Variants in ITGAM observed in about 807,000 individuals in gnomAD.
ITGAM encodes the protein integrin subunit alpha M, also known as integrin alpha-M.
A neutral mutation model predicts 137.5 loss-of-function variants in ITGAM; 79 were observed. The ratio of observed to expected loss-of-function variants is 0.57; its 90% CI spans 0.48 to 0.69. The LOEUF is 0.69. Among genes scored for constraint, ITGAM ranks in the 30% least tolerant of loss-of-function variants. The pLI is 0.00. For synonymous variants in ITGAM, 583 were observed against 592.3 expected, an observed-to-expected ratio of 0.98 and a Z score of 0.23; for missense variants, 1,343 against 1,483.5, an observed-to-expected ratio of 0.91 and a Z score of 1.56.
intron 23 of ITGAM, among the ~76,000 whole-genome samples, chr16:31,328,698 G>C (rs1187783529): frequency 2.0e-5 from 3 of 151,042 alleles, no homozygotes; most frequent in Non-Finnish European, 4.4e-5. Flanking sequence ...ATTTGTGCAT[G>C]TGTGTGTATG....
chr16:31,283,601 A>T (rs1293833828), intron 12 of ITGAM, among the ~76,000 whole-genome samples: 1 of 152,138 alleles, frequency 6.6e-6, no homozygotes, highest in Admixed American at 6.5e-5. Context: ...TATGCTGTTT[A>T]TTCTAGTTAG....
chr16:31,331,911 GCATGTGCA>G lies in ITGAM; in HGVS notation c.*206_*213del, dbSNP rs1488224405. On this transcript the variant is annotated 3_prime_UTR_variant, in exon 30 of 30. Transcript: ENST00000544665. Reference sequence around the variant, plus strand: ...TGTGTGCACATGTGTGCGTGTGCGTGCATGTGCACTTGCACGCCCATGTGTGAGTGTGT... The same window carrying G: ...TGTGTGCACATGTGTGCGTGTGCGTGCTTGCACGCCCATGTGTGAGTGTGT... 15 of 568,342 alleles carry G rather than the reference GCATGTGCA, an allele frequency of 2.6e-5. No individual in the cohort carries two copies. Among genetic ancestry groups the G allele is most frequent in the South Asian group, 2.1e-4 (10 of 46,632 alleles). 35.2% of individuals were successfully genotyped at this position (568,342 alleles called of 1,614,324 possible).
In ITGAM at chr16:31,277,061, G is replaced by T; in HGVS notation, c.1213+12G>T. ...TGATGCTTACTTGGGTAAGTGGGGA[G>T]GGCAAGGGTTACTCTAAGAAGGGGT... On this transcript the variant is annotated intron_variant, in intron 11 of 29. Transcript: ENST00000544665. 3 of 1,604,068 alleles carry T rather than the reference G, an allele frequency of 1.9e-6. No individual in the cohort carries two copies. Among genetic ancestry groups the T allele is most frequent in the South Asian group, 1.1e-5 (1 of 89,388 alleles).
At chr16:31,326,755 T>C in intron 21 of ITGAM, 101 bp from the exon 22 acceptor site, 1 of 822,408 alleles carries the variant, frequency 1.2e-6, no homozygotes, top group East Asian at 2.4e-5. Flanking sequence ...TCCTGTTGCA[T>C]GGATGGGCCA....
intron 5 of ITGAM, among the ~76,000 whole-genome samples, chr16:31,270,699 G>GTGTGTGTATATATA (rs1477833816): frequency 3.8e-5 from 1 of 25,996 alleles, no homozygotes; most frequent in African/African-American, 1.1e-4. Context: ...GTGTGTGTGT[G>GTGTGTGTATATATA]TATATATATA....
chr16:31,289,539 A>G (rs1398012983), intron 12 of ITGAM, among the ~76,000 whole-genome samples: 2 of 152,158 alleles, frequency 1.3e-5, no homozygotes, highest in Admixed American at 6.6e-5. Flanking sequence ...TCTCACTCAT[A>G]GGTGGGAATT....
rs1218763979 is a variant in ITGAM at position 31,260,018 on chromosome 16, C to G, written c.-47C>G. ...CTTCCTTGTGGTTCCTCAGTGGTGC[C>G]TGCAACCCCTGGTTCACCTCCTTCC... is the stretch of plus-strand genomic sequence containing the variant. On this transcript the variant is annotated 5_prime_UTR_variant, in exon 1 of 30. Transcript: ENST00000544665. 2 of 1,553,580 alleles carry G rather than the reference C, an allele frequency of 1.3e-6. No individual in the cohort carries two copies. The highest frequency in any genetic ancestry group is 1.7e-6 in the Non-Finnish European group (2 of 1,143,250).
At chr16:31,319,387 G>A (rs930339321) in intron 14 of ITGAM, among the ~76,000 whole-genome samples, 1 of 151,832 alleles carries the variant, frequency 6.6e-6, no homozygotes, top group African/African-American at 2.4e-5. Flanking sequence ...ATAATTAATT[G>A]TTGTAACTCC....
Position 31,273,506 on chromosome 16 carries a change from C to T in ITGAM, c.846C>T (p.Arg282=), listed in dbSNP as rs181137573. Reference sequence around the variant, plus strand: ...AGGCAGACAGAGAGGGAGTCATTCGCTACGTCATTGGGGTAGGGAATGCAG... The same window carrying T: ...AGGCAGACAGAGAGGGAGTCATTCGTTACGTCATTGGGGTAGGGAATGCAG... ...IPEADREGVI[R]YVIGVGDAFR... The change falls in exon 8 of 30, where the codon CGC becomes CGT. Residue 282 remains arginine, a synonymous_variant. Coordinates refer to ENST00000544665, the MANE Select transcript of ITGAM (RefSeq NM_000632.4). 6.2e-7 allele frequency: 1 copy of T among 1,613,630 alleles called. No homozygotes were observed. The highest frequency in any genetic ancestry group is 2.2e-5 in the East Asian group (1 of 44,884).
chr16:31,273,692 A>T, intron 8 of ITGAM, 174 bp downstream of exon 8: 1 of 584,008 alleles, frequency 1.7e-6, no homozygotes, highest in Non-Finnish European at 2.9e-6. Context: ...AAACTATCCC[A>T]AAATTCAGCA....
At chr16:31,262,833 G>T (rs906546775) in intron 2 of ITGAM, among the ~76,000 whole-genome samples, 2 of 152,222 alleles carry the variant, frequency 1.3e-5, no homozygotes, top group African/African-American at 4.8e-5. Flanking sequence ...TCCAGAAGAA[G>T]GGGGCTGGTC....
In ITGAM at chr16:31,324,854, T is replaced by C; in HGVS notation, c.2289+72T>C. On this transcript the variant is annotated intron_variant, in intron 18 of 29. Coordinates refer to ENST00000544665, the MANE Select transcript of ITGAM (RefSeq NM_000632.4). The surrounding 1 kb of genome is among the most constrained non-coding windows in gnomAD (Gnocchi z 4.5). ...ACCAAGGTGGTTGAAACTCATTTTATTTGATTGCATCTAATTTTACTTCAA... is the reference window on the plus strand; with the variant it reads ...ACCAAGGTGGTTGAAACTCATTTTACTTGATTGCATCTAATTTTACTTCAA... The C allele has an allele frequency of 1.4e-5, 21 of 1,554,176 alleles. No individual in the cohort carries two copies. Among genetic ancestry groups the C allele is most frequent in the Non-Finnish European group, 1.7e-5 (19 of 1,148,948 alleles).
chr16:31,284,862 C>T (rs1048792838), intron 12 of ITGAM, among the ~76,000 whole-genome samples: 8 of 151,938 alleles, frequency 5.3e-5, no homozygotes, highest in South Asian at 2.1e-4. Flanking sequence ...ACCTCCTCTG[C>T]CTATAGTTCT....
At chr16:31,300,404 T>C (rs1158388575) in intron 14 of ITGAM, among the ~76,000 whole-genome samples, 1 of 152,240 alleles carries the variant, frequency 6.6e-6, no homozygotes, top group East Asian at 1.9e-4. Flanking sequence ...GCCAACAGTG[T>C]GCAAAGGTTC....
At chr16:31,299,954 G>T (rs1355733107) in intron 14 of ITGAM, among the ~76,000 whole-genome samples, 4 of 151,892 alleles carry the variant, frequency 2.6e-5, no homozygotes, top group Non-Finnish European at 5.9e-5. Context: ...AACCTCCTGG[G>T]CTCAAGCGAC....
In ITGAM at chr16:31,329,855, C is replaced by G; in HGVS notation, c.2926C>G (p.Arg976Gly). ...CAGCCTGGTGTTCTTGGTGCCCGTCCGGCTGAACCAGACTGTCATATGGGA... is the reference window on the plus strand; with the variant it reads ...CAGCCTGGTGTTCTTGGTGCCCGTCGGGCTGAACCAGACTGTCATATGGGA... Reference protein sequence around the residue: ...PISLVFLVPVRLNQTVIWDRP... With the variant: ...PISLVFLVPVGLNQTVIWDRP... The change falls in exon 25 of 30, where the codon CGG becomes GGG. Residue 976 changes from arginine to glycine, a missense_variant. Arg to Gly is a moderately radical substitution (Grantham distance 125). Transcript: ENST00000544665. The G allele has an allele frequency of 6.4e-7, 1 of 1,564,918 alleles. No homozygotes were observed. Among genetic ancestry groups the G allele is most frequent in the Non-Finnish European group, 8.7e-7 (1 of 1,154,726 alleles).
intron 5 of ITGAM, among the ~76,000 whole-genome samples, chr16:31,267,797 T>C (rs1352113114): frequency 6.6e-6 from 1 of 151,840 alleles, no homozygotes; most frequent in Non-Finnish European, 1.5e-5. Context: ...GGATCACAGG[T>C]GCGCATATAC....
intron 24 of ITGAM, 44 bp from the exon 25 acceptor site, chr16:31,329,754 G>A (rs1259853259): frequency 2.0e-6 from 3 of 1,497,256 alleles, no homozygotes; most frequent in South Asian, 1.2e-5. Flanking sequence ...CCAGGCTGGT[G>A]GGGGAGGAAG....
At chr16:31,297,379 T>A in intron 12 of ITGAM, 135 bp from the exon 13 acceptor site, 1 of 1,172,142 alleles carries the variant, frequency 8.5e-7, no homozygotes, top group Non-Finnish European at 1.2e-6. Context: ...TGATAATTTA[T>A]CATGAACCAT....
Sources: allele counts gnomAD v4.1 joint callset (sites outside exome capture counted in the v4.1 genomes callset), GRCh38; gene constraint gnomAD v4.1.1; non-coding constraint Gnocchi (gnomAD v3.1); transcripts MANE v1.5; gene names NCBI Gene and HGNC (gene_info 2026-07-23, HGNC 2026-07-21).